PDE4B: variants seen among roughly 807,000 people sequenced by gnomAD.
PDE4B encodes the protein 3',5'-cyclic-AMP phosphodiesterase 4B.
PDE4B carries 20 observed loss-of-function variants against 82.2 expected under a neutral mutation model. The ratio of observed to expected loss-of-function variants is 0.24; its 90% confidence interval spans 0.17 to 0.35. The LOEUF (loss-of-function observed/expected upper bound fraction) is 0.35. Among genes scored for constraint, PDE4B ranks in the 10% least tolerant of loss-of-function variants. The pLI, the probability that PDE4B is intolerant of heterozygous loss-of-function variation, is 1.00. For synonymous variants in PDE4B, 320 were observed against 318.9 expected (o/e 1.00, Z -0.04); for missense variants, 655 against 907.2 (o/e 0.72, Z 3.57).
chr1:66,213,135 T>C (rs1157625176), intron 3 of PDE4B, among the ~76,000 whole-genome samples: 2 of 152,180 alleles, frequency 1.3e-5, no homozygotes, highest in Non-Finnish European at 2.9e-5. Context: ...TATGTGTCAT[T>C]AAACTCTTAA....
At chr1:66,083,433 C>A (rs556300496) in intron 3 of PDE4B, among the ~76,000 whole-genome samples, 1 of 152,212 alleles carries the variant, frequency 6.6e-6, no homozygotes, top group South Asian at 2.1e-4. Flanking sequence ...AAATGACTAA[C>A]CTTTGAGTGC....
chr1:65,933,428 C>A (rs1009971632), intron 3 of PDE4B, among the ~76,000 whole-genome samples: 5 of 152,144 alleles, frequency 3.3e-5, no homozygotes, highest in African/African-American at 4.8e-5. Context: ...CGCTGTGGCT[C>A]ATGCCTGTAA....
chr1:66,355,219 G>T, intron 8 of PDE4B: 1 of 352,320 alleles, frequency 2.8e-6, no homozygotes, highest in Non-Finnish European at 5.0e-6. Context: ...TCAGACAAAT[G>T]TATTTTTAAA....
rs570986369 is a variant in PDE4B at position 65,854,042 on chromosome 1, G to C, written c.-70-59203G>C. On this transcript the variant is annotated intron_variant, in intron 1 of 16. Transcript: ENST00000341517. ...CCAGTGGTCCACATGAGAGCCTAGG[G>C]TTATTATAGATGATCTAAGAAAGTT... Among the ~76,000 whole-genome samples, 10 of 152,028 alleles carry C rather than the reference G, an allele frequency of 6.6e-5. No individual in the cohort carries two copies. The East Asian group carries it at 1.9e-3, about 29-fold the overall frequency.
chr1:66,330,792 T>C, intron 7 of PDE4B: 1 of 985,332 alleles, frequency 1.0e-6, no homozygotes, highest in Non-Finnish European at 1.2e-6. Flanking sequence ...CAGAGAATCT[T>C]CGTGTTGAGG....
At chr1:66,070,716 A>C (rs945593249) in intron 3 of PDE4B, among the ~76,000 whole-genome samples, 2 of 152,064 alleles carry the variant, frequency 1.3e-5, no homozygotes, top group Non-Finnish European at 2.9e-5. Flanking sequence ...CCATGGAAAC[A>C]TGGACAATCA....
chr1:65,892,500 T>C (rs567727022), intron 1 of PDE4B, among the ~76,000 whole-genome samples: 9 of 152,198 alleles, frequency 5.9e-5, no homozygotes, highest in Admixed American at 1.3e-4. Flanking sequence ...TTCAGCTCCC[T>C]AATATCAGAA....
chr1:66,094,033 C>T (rs766501283), intron 3 of PDE4B, among the ~76,000 whole-genome samples: 2 of 151,912 alleles, frequency 1.3e-5, no homozygotes, highest in African/African-American at 2.4e-5. Flanking sequence ...GACAAAAACA[C>T]ATAATCTAAT....
Position 66,047,599 on chromosome 1 carries a change from A to G in PDE4B, c.281+128764A>G, listed in dbSNP as rs140416277. Among the ~76,000 whole-genome samples, 554 of 151,308 alleles carry G rather than the reference A, an allele frequency of 3.7e-3. 12 individuals are homozygous for G. Among genetic ancestry groups the G allele is most frequent in the Admixed American group, 0.034 (520 of 15,178 alleles). ...TGCCCAGTAAGTGTAGAGCTGAATT[A>G]AATATTTTAGAGGTGGCAGAAAGTT... On this transcript the variant is annotated intron_variant, in intron 3 of 16. Transcript: ENST00000341517.
intron 3 of PDE4B, among the ~76,000 whole-genome samples, chr1:65,996,607 C>A (rs1651556160): frequency 6.6e-6 from 1 of 152,082 alleles, no homozygotes; most frequent in African/African-American, 2.4e-5. Context: ...TAAGTATACT[C>A]CAAATTCATG....
At chr1:66,188,822 T>G (rs1443855885) in intron 3 of PDE4B, among the ~76,000 whole-genome samples, 1 of 152,214 alleles carries the variant, frequency 6.6e-6, no homozygotes. Context: ...TTGGAGCATT[T>G]AGTCCATTTA....
chr1:66,292,690 C>A (rs1379814031), intron 7 of PDE4B, among the ~76,000 whole-genome samples: 1 of 152,096 alleles, frequency 6.6e-6, no homozygotes, highest in Non-Finnish European at 1.5e-5. Context: ...CACACGTAAT[C>A]CAAATACCTG....
chr1:66,071,825 CTG>C (rs35802707), intron 3 of PDE4B, among the ~76,000 whole-genome samples: 12,210 of 152,034 alleles, frequency 0.08, 903 homozygotes, highest in East Asian at 0.25. Flanking sequence ...TTTTCAGACT[CTG>C]TGGGCAACTG....
At chr1:66,208,872 T>C (rs1163972532) in intron 3 of PDE4B, among the ~76,000 whole-genome samples, 4 of 152,192 alleles carry the variant, frequency 2.6e-5, no homozygotes, top group Non-Finnish European at 5.9e-5. Flanking sequence ...TTGAGGTGAT[T>C]ATTGTATACA....
At position 65,873,331 on chromosome 1, in the gene PDE4B, GGAAA is replaced by G. The variant is rs1451051098; in HGVS notation, c.-70-39908_-70-39905del. Among the ~76,000 whole-genome samples, 3 of 152,162 alleles carry G rather than the reference GGAAA, an allele frequency of 2.0e-5. No homozygotes were observed. In the East Asian group the frequency reaches 5.8e-4, roughly 29 times the overall value. ...GTAGGGGCAGCAATGAAACGTGACGGGAAAGAAAGGTTGGGGATTATGTCCCAAA... is the reference window on the plus strand; with the variant it reads ...GTAGGGGCAGCAATGAAACGTGACGGGAAAGGTTGGGGATTATGTCCCAAA... On this transcript the variant is annotated intron_variant, in intron 1 of 16. Coordinates refer to ENST00000341517, the MANE Select transcript of PDE4B (RefSeq NM_002600.4).
At chr1:66,325,860 T>A (rs1348310585) in intron 7 of PDE4B, among the ~76,000 whole-genome samples, 1 of 152,222 alleles carries the variant, frequency 6.6e-6, no homozygotes, top group Non-Finnish European at 1.5e-5. Flanking sequence ...AGGCTTGGCG[T>A]ATACTGATTC....
chr1:66,139,332 G>A (rs1313151073), intron 3 of PDE4B, among the ~76,000 whole-genome samples: 5 of 152,262 alleles, frequency 3.3e-5, no homozygotes, highest in South Asian at 2.1e-4. Flanking sequence ...TTTTCTTGCC[G>A]AAAACCAACC....
At chr1:65,850,277 A>G (rs1336011468) in intron 1 of PDE4B, among the ~76,000 whole-genome samples, 2 of 151,612 alleles carry the variant, frequency 1.3e-5, no homozygotes, top group Non-Finnish European at 2.9e-5. Flanking sequence ...TTGTATTTTT[A>G]GTAGAGATGA....
At chr1:65,803,766 T>TA (rs1041198349) in intron 1 of PDE4B, among the ~76,000 whole-genome samples, 1 of 152,236 alleles carries the variant, frequency 6.6e-6, no homozygotes, top group African/African-American at 2.4e-5. Flanking sequence ...TCTGCTTTAC[T>TA]AAAAAAATCT....
Sources: gnomAD v4.1 joint callset for allele counts (sites outside exome capture counted in the v4.1 genomes callset) on GRCh38, gnomAD v4.1.1 for gene constraint, MANE v1.5 for transcripts, NCBI Gene and HGNC (gene_info 2026-07-23, HGNC 2026-07-21) for gene names.